The following PCDH15 variants were observed in gnomAD, a reference collection of about 807,000 sequenced individuals.
The protein encoded by PCDH15 is protocadherin related 15.
In PCDH15, 129 loss-of-function variants were observed where a neutral mutation model predicts 178.5. That is an observed-to-expected ratio of 0.72 (90% CI 0.63 to 0.84). PCDH15 has a LOEUF of 0.84. Ranked by LOEUF, PCDH15 falls within the 40% of genes least tolerant of loss-of-function variation. PCDH15 has a pLI of 0.00. For synonymous variants in PCDH15, 800 were observed against 732.0 expected (o/e 1.09, Z -1.50); for missense variants, 2,230 against 2,099.9 (o/e 1.06, Z -1.21).
At chr10:53,867,213 G>T (rs2079524756) in intron 26 of PCDH15, among the ~76,000 whole-genome samples, 1 of 151,372 alleles carries the variant, frequency 6.6e-6, no homozygotes. Flanking sequence ...CTTTTTTTTA[G>T]ATTCCACATA....
intron 2 of PCDH15, among the ~76,000 whole-genome samples, chr10:55,125,865 C>T (rs538368816): frequency 6.6e-6 from 1 of 152,214 alleles, no homozygotes; most frequent in South Asian, 2.1e-4. Context: ...GTAGGCATAG[C>T]TTCTTTCTTT....
chr10:54,353,378 C>T (rs888083054), intron 5 of PCDH15, among the ~76,000 whole-genome samples: 1 of 152,026 alleles, frequency 6.6e-6, no homozygotes, highest in Admixed American at 6.6e-5. Context: ...TTAACATTAA[C>T]TTATGAAGGT....
At chr10:54,889,081 T>C (rs1432819425) in intron 3 of PCDH15, among the ~76,000 whole-genome samples, 3 of 151,910 alleles carry the variant, frequency 2.0e-5, no homozygotes, top group Non-Finnish European at 4.4e-5. Flanking sequence ...ATGTGTAATA[T>C]GCATCAGTGA....
chr10:54,181,924 TC>T (rs1191812864), intron 13 of PCDH15, among the ~76,000 whole-genome samples: 4 of 152,128 alleles, frequency 2.6e-5, no homozygotes, highest in African/African-American at 9.7e-5. Context: ...TTGAATGATT[TC>T]TTTTTTCTTT....
intron 2 of PCDH15, among the ~76,000 whole-genome samples, chr10:54,963,878 G>T (rs1254637376): frequency 2.6e-5 from 4 of 152,162 alleles, no homozygotes; most frequent in African/African-American, 7.2e-5. Flanking sequence ...GACAAAAATT[G>T]CCAGGGAAGA....
intron 1 of PCDH15, among the ~76,000 whole-genome samples, chr10:54,681,627 T>C (rs542615020): frequency 6.6e-6 from 1 of 152,190 alleles, no homozygotes; most frequent in African/African-American, 2.4e-5. Flanking sequence ...GTGGTTTTAG[T>C]GGAGGAGTGG....
At chr10:53,938,712 A>G (rs1365648333) in intron 25 of PCDH15, 103 bp downstream of exon 25, 1 of 1,234,100 alleles carries the variant, frequency 8.1e-7, no homozygotes, top group Non-Finnish European at 1.2e-6. Context: ...TGATCTTTCT[A>G]TGTTGTCCAC....
chr10:55,505,797 G>C (rs1407938000), intron 2 of PCDH15, among the ~76,000 whole-genome samples: 1 of 151,434 alleles, frequency 6.6e-6, no homozygotes, highest in Non-Finnish European at 1.5e-5. Context: ...TATGCAATTA[G>C]TTATTGAATC....
intron 2 of PCDH15, among the ~76,000 whole-genome samples, chr10:54,543,110 C>T (rs575684903): frequency 6.6e-6 from 1 of 151,336 alleles, no homozygotes; most frequent in African/African-American, 2.4e-5. Context: ...CCGTGGCCCC[C>T]CAAAACTCCG....
chr10:54,095,189 A>T (rs2094679223), intron 15 of PCDH15, among the ~76,000 whole-genome samples: 4 of 152,188 alleles, frequency 2.6e-5, no homozygotes, highest in Admixed American at 2.6e-4. Context: ...ACCACTTGAG[A>T]GCAACAAATA....
chr10:55,260,221 G>A (rs1017674276), intron 1 of PCDH15, among the ~76,000 whole-genome samples: 4 of 151,966 alleles, frequency 2.6e-5, no homozygotes, highest in Non-Finnish European at 5.9e-5. Flanking sequence ...TATGAGTACA[G>A]ATACTAGTGA....
At chr10:53,941,112 T>TG (rs2086026226) in intron 23 of PCDH15, 137 bp from the exon 24 acceptor site, 1 of 652,356 alleles carries the variant, frequency 1.5e-6, no homozygotes, top group South Asian at 1.8e-5. Context: ...GCCTCCTCCA[T>TG]GATCAAATCC....
At chr10:54,277,990 A>G (rs1266123659) in intron 8 of PCDH15, among the ~76,000 whole-genome samples, 3 of 151,658 alleles carry the variant, frequency 2.0e-5, no homozygotes, top group South Asian at 2.1e-4. Flanking sequence ...TATCAAATAG[A>G]TAGTTGAATA....
intron 23 of PCDH15, among the ~76,000 whole-genome samples, chr10:53,949,685 T>C (rs1040185476): frequency 6.6e-6 from 1 of 151,970 alleles, no homozygotes; most frequent in Non-Finnish European, 1.5e-5. Context: ...GACCGAGCCA[T>C]TGCACCACAG....
At chr10:54,308,049 C>G (rs533255196) in intron 8 of PCDH15, among the ~76,000 whole-genome samples, 2 of 152,124 alleles carry the variant, frequency 1.3e-5, no homozygotes, top group South Asian at 4.1e-4. Flanking sequence ...TTGTGGATGA[C>G]AAGTTCAAAC....
intron 2 of PCDH15, among the ~76,000 whole-genome samples, chr10:55,359,718 GTGTATATATA>G (rs1467166640): frequency 6.2e-4 from 57 of 92,370 alleles, no homozygotes; most frequent in African/African-American, 2.4e-3. Context: ...AGAAAATGTG[GTGTATATATA>G]TATATATATA....
intron 2 of PCDH15, among the ~76,000 whole-genome samples, chr10:55,368,877 T>C (rs1017340656): frequency 2.6e-5 from 4 of 151,940 alleles, no homozygotes; most frequent in Non-Finnish European, 5.9e-5. Flanking sequence ...AAGAAGAATA[T>C]GTGTTGAGAT....
At chr10:54,927,154 G>A (rs1209842170) in intron 2 of PCDH15, among the ~76,000 whole-genome samples, 1 of 151,966 alleles carries the variant, frequency 6.6e-6, no homozygotes, top group Non-Finnish European at 1.5e-5. Context: ...GTTCTGATTG[G>A]TTTTAAAGAA....
intron 8 of PCDH15, among the ~76,000 whole-genome samples, chr10:54,267,178 A>AAAC (rs1461546684): frequency 1.5e-5 from 2 of 135,660 alleles, no homozygotes; most frequent in Non-Finnish European, 3.2e-5. Context: ...AAATGAAAAA[A>AAAC]ATAAGATTAT....
Sources: gnomAD v4.1 joint callset for allele counts (sites outside exome capture counted in the v4.1 genomes callset) on GRCh38, gnomAD v4.1.1 for gene constraint, MANE v1.5 for transcripts, NCBI Gene and HGNC (gene_info 2026-07-23, HGNC 2026-07-21) for gene names.